CASR: variants seen among roughly 807,000 people sequenced by gnomAD.
CASR encodes the protein calcium sensing receptor.
Under a neutral mutation model 69.1 loss-of-function variants are expected in CASR, and 23 were observed. That is an observed-to-expected ratio of 0.33 (90% CI 0.24 to 0.47). The LOEUF is 0.47. CASR is among the 20% of genes least tolerant of loss of function. The pLI is 1.00. For missense variants in CASR, 924 were observed against 1,356.1 expected, an observed-to-expected ratio of 0.68 and a Z score of 5.00; for synonymous variants, 541 against 544.7, an observed-to-expected ratio of 0.99 and a Z score of 0.10.
At chr3:122,202,480 G>T (rs1038534719) in intron 1 of CASR, among the ~76,000 whole-genome samples, 4 of 150,004 alleles carry the variant, frequency 2.7e-5, no homozygotes, top group Non-Finnish European at 4.5e-5. Context: ...GGGAGACCGT[G>T]GGGAGAGGGA....
intron 1 of CASR, among the ~76,000 whole-genome samples, chr3:122,248,865 T>A (rs1460944172): frequency 2.0e-5 from 3 of 152,218 alleles, no homozygotes; most frequent in African/African-American, 7.2e-5. Context: ...TGTTTTGCTA[T>A]CCTCTGTTAA....
intron 4 of CASR, among the ~76,000 whole-genome samples, chr3:122,270,447 T>A (rs903006881): frequency 6.6e-6 from 1 of 152,210 alleles, no homozygotes; most frequent in African/African-American, 2.4e-5. Context: ...TCTCAAAGAA[T>A]CAGCTTTTGG....
chr3:122,228,657 G>A (rs2074250351), intron 1 of CASR, among the ~76,000 whole-genome samples: 1 of 152,202 alleles, frequency 6.6e-6, no homozygotes, highest in Non-Finnish European at 1.5e-5. Flanking sequence ...GAACAGGACA[G>A]GAGGTGCATA....
rs559093820 is a variant in CASR, at chr3:122,287,879, C to G, written c.*2688C>G. 1 of 152,242 alleles carries G rather than the reference C, an allele frequency of 6.6e-6. No individual in the cohort carries two copies. Among genetic ancestry groups the G allele is most frequent in the African/African-American group, 2.4e-5 (1 of 41,450 alleles). The allele number at this position is 152,242 out of a possible 1,614,324, so 9.4% of individuals were successfully genotyped here. Reference sequence around the variant, plus strand: ...TGACTGCTGTCTCCCCATGACAGTACACAGAGCTTATGGAGGCTAACAAAG... The same window carrying G: ...TGACTGCTGTCTCCCCATGACAGTAGACAGAGCTTATGGAGGCTAACAAAG... On this transcript the variant is annotated 3_prime_UTR_variant, in exon 7 of 7. Transcript: ENST00000639785.
chr3:122,205,318 A>T (rs537475856), intron 1 of CASR, among the ~76,000 whole-genome samples: 39 of 152,186 alleles, frequency 2.6e-4, no homozygotes, highest in African/African-American at 9.4e-4. Context: ...TCCCAGCACC[A>T]CTTATTGAAG....
chr3:122,234,240 A>C (rs1330164395), intron 1 of CASR, among the ~76,000 whole-genome samples: 1 of 152,250 alleles, frequency 6.6e-6, no homozygotes, highest in African/African-American at 2.4e-5. Context: ...AATCTTTGGC[A>C]TAACTACTCA....
At chr3:122,268,189 A>C (rs2074715450) in intron 4 of CASR, among the ~76,000 whole-genome samples, 1 of 152,186 alleles carries the variant, frequency 6.6e-6, no homozygotes, top group Non-Finnish European at 1.5e-5. Context: ...GAAACTTGTT[A>C]AGTTTATTAT....
At chr3:122,235,438 G>A (rs1371677716) in intron 1 of CASR, among the ~76,000 whole-genome samples, 2 of 152,148 alleles carry the variant, frequency 1.3e-5, no homozygotes, top group African/African-American at 4.8e-5. Flanking sequence ...GTGCTTTCCT[G>A]GAATACTGGT....
rs2074974646 is a variant in CASR, at chr3:122,286,865, C to G, written c.*1674C>G. On this transcript the variant is annotated 3_prime_UTR_variant, in exon 7 of 7. Transcript: ENST00000639785. Reference sequence around the variant, plus strand: ...TCTTGGTGACTTCTTCCCCTGACCACTTTCTTCCAAAGGGGCGCCTTTCAG... The same window carrying G: ...TCTTGGTGACTTCTTCCCCTGACCAGTTTCTTCCAAAGGGGCGCCTTTCAG... 6.6e-6 allele frequency: 1 copy of G among 152,276 alleles called. No homozygotes were observed. The highest frequency in any genetic ancestry group is 2.4e-5 in the African/African-American group (1 of 41,476). The allele number at this position is 152,276 out of a possible 1,614,324, so 9.4% of individuals were successfully genotyped here.
In CASR at chr3:122,284,625, C is replaced by T. The variant is rs1360294910; in HGVS notation, c.2671C>T (p.Arg891Cys). ...FKVAARATLR[R>C]SNVSRKRSSS... ...GGTGGCTGCCCGGGCCACGCTGCGC[C>T]GCAGCAACGTCTCCCGCAAGCGGTC... Residue 891 changes from arginine (R) to cysteine (C), a missense_variant, in exon 7 of 7, where the codon CGC becomes TGC. Coordinates refer to ENST00000639785, the MANE Select transcript of CASR (RefSeq NM_000388.4). 1 of 1,614,026 alleles carries T rather than the reference C, an allele frequency of 6.2e-7. No homozygotes were observed. The highest frequency in any genetic ancestry group is 8.5e-7 in the Non-Finnish European group (1 of 1,179,978).
At chr3:122,211,327 GCAATCTATCCATCTGA>G (rs2074063200) in intron 1 of CASR, among the ~76,000 whole-genome samples, 1 of 152,152 alleles carries the variant, frequency 6.6e-6, no homozygotes, top group East Asian at 1.9e-4. Context: ...GAAAACTTTT[GCAATCTATCCATCTGA>G]CAAAGGCCTG....
At chr3:122,213,267 C>T (rs1458266033) in intron 1 of CASR, among the ~76,000 whole-genome samples, 4 of 152,180 alleles carry the variant, frequency 2.6e-5, no homozygotes, top group Admixed American at 2.6e-4. Flanking sequence ...AAACCTAGTG[C>T]ATTATTGTGC....
intron 1 of CASR, among the ~76,000 whole-genome samples, chr3:122,203,868 C>G (rs1198366650): frequency 6.6e-6 from 1 of 152,148 alleles, no homozygotes; most frequent in Non-Finnish European, 1.5e-5. Flanking sequence ...TAGTGTATGA[C>G]TATATTTAGA....
At chr3:122,275,749 G>A in intron 4 of CASR, 63 bp from the exon 5 acceptor site, 7 of 1,062,822 alleles carry the variant, frequency 6.6e-6, no homozygotes, top group African/African-American at 1.6e-5. Flanking sequence ...GCAGGGCACA[G>A]CCTACCTAAT....
chr3:122,230,042 T>G (rs2074264362), intron 1 of CASR, among the ~76,000 whole-genome samples: 1 of 152,246 alleles, frequency 6.6e-6, no homozygotes. Context: ...AGATTTGTAC[T>G]AAACATATTC....
chr3:122,234,767 A>G (rs890239065), intron 1 of CASR, among the ~76,000 whole-genome samples: 2 of 152,214 alleles, frequency 1.3e-5, no homozygotes, highest in African/African-American at 4.8e-5. Flanking sequence ...TTATAGAAAC[A>G]TGTGTGGGCT....
rs753189535 is a variant in CASR at position 122,275,812 on chromosome 3, G to A, written c.1378G>A (p.Val460Ile). 3 of 1,609,788 alleles carry A rather than the reference G, an allele frequency of 1.9e-6. No individual in the cohort carries two copies. In the African/African-American group the frequency reaches 4.0e-5, roughly 22 times the overall value. Residue 460 changes from valine (V) to isoleucine (I), a missense_variant and splice_region_variant, in exon 5 of 7, where the codon GTC becomes ATC. By Grantham distance (29) the Val-to-Ile change is conservative. Coordinates refer to ENST00000639785, the MANE Select transcript of CASR (RefSeq NM_000388.4). Reference protein sequence around the residue: ...ADIKKVEAWQVLKHLRHLNFT... With the variant: ...ADIKKVEAWQILKHLRHLNFT... ...GTACTCATTCTTTGCTCCTCTTTAG[G>A]TCCTGAAGCACCTACGGCATCTAAA...
intron 1 of CASR, among the ~76,000 whole-genome samples, chr3:122,238,478 C>A (rs1195376082): frequency 6.6e-6 from 1 of 152,216 alleles, no homozygotes; most frequent in Non-Finnish European, 1.5e-5. Flanking sequence ...GCTTGAAAAG[C>A]AGTCTAGGAC....
intron 1 of CASR, among the ~76,000 whole-genome samples, chr3:122,195,337 A>G (rs1429291251): frequency 1.3e-5 from 2 of 152,352 alleles, no homozygotes; most frequent in East Asian, 3.8e-4. Flanking sequence ...ATGTAGCTAC[A>G]CTGCTACACT....
Sources: allele counts gnomAD v4.1 joint callset (sites outside exome capture counted in the v4.1 genomes callset), GRCh38; gene constraint gnomAD v4.1.1; transcripts MANE v1.5; gene names NCBI Gene and HGNC (gene_info 2026-07-23, HGNC 2026-07-21).